Variants in SPTBN1 observed in about 807,000 individuals in gnomAD.
SPTBN1 encodes spectrin beta chain, non-erythrocytic 1.
A neutral mutation model predicts 266.4 loss-of-function variants in SPTBN1; 32 were observed. That is an observed-to-expected ratio of 0.12 (90% CI 0.09 to 0.16). The LOEUF (loss-of-function observed/expected upper bound fraction) is 0.16. Ranked by LOEUF, SPTBN1 falls within the 10% of genes least tolerant of loss-of-function variation. The probability of loss-of-function intolerance (pLI) is 1.00; values close to 1 mark genes in which losing one functional copy is unlikely to be tolerated. For synonymous variants in SPTBN1, 1,336 were observed against 1,162.2 expected (o/e 1.15, Z -3.04); for missense variants, 2,296 against 3,067.1 (o/e 0.75, Z 5.94).
chr2:54,635,577 T>C (rs1679066220), intron 17 of SPTBN1, among the ~76,000 whole-genome samples: 1 of 152,248 alleles, frequency 6.6e-6, no homozygotes, highest in Non-Finnish European at 1.5e-5. Flanking sequence ...TGGTCATATT[T>C]CTCCCTTAAT....
At chr2:54,623,345 A>G (rs1678116562) in intron 9 of SPTBN1, 134 bp from the exon 10 acceptor site, 1 of 740,650 alleles carries the variant, frequency 1.4e-6, no homozygotes, top group Non-Finnish European at 2.3e-6. Flanking sequence ...GTAATAGCCA[A>G]TAAGCAACCT....
intron 3 of SPTBN1, among the ~76,000 whole-genome samples, chr2:54,605,027 A>G (rs1573512683): frequency 6.6e-6 from 1 of 152,136 alleles, no homozygotes; most frequent in Non-Finnish European, 1.5e-5. Flanking sequence ...ATGCCGCACT[A>G]GGGAATCCGA....
chr2:54,629,836 TC>T, intron 14 of SPTBN1, 33 bp downstream of exon 14: 2 of 1,612,580 alleles, frequency 1.2e-6, no homozygotes, highest in South Asian at 2.2e-5. Flanking sequence ...ACTGGCCTGT[TC>T]CTTGTGACCA....
chr2:54,658,116 C>G, intron 30 of SPTBN1, 70 bp downstream of exon 30: 1 of 1,569,144 alleles, frequency 6.4e-7, no homozygotes, highest in Non-Finnish European at 8.7e-7. Flanking sequence ...GCCTCTTAGA[C>G]CAGGGAATTC....
At chr2:54,667,706 G>A in intron 35 of SPTBN1, 60 bp downstream of exon 35, 2 of 1,466,844 alleles carry the variant, frequency 1.4e-6, no homozygotes, top group Non-Finnish European at 1.9e-6. Flanking sequence ...TTTGTGTGAT[G>A]ATGGGCTTTA....
At position 54,653,595 on chromosome 2, in the gene SPTBN1, A is replaced by C. The variant is rs764077277; in HGVS notation, c.5578-14A>C. 5.6e-6 allele frequency: 9 copies of C among 1,612,538 alleles called. No individual in the cohort carries two copies. The Admixed American group carries it at 1.3e-4, about 24-fold the overall frequency. ...CATGGGCTGACCTGGCTCATCCCCT[A>C]CATGGCTTCACAGGTGAGGCAGCTG... On this transcript the variant is annotated splice_polypyrimidine_tract_variant and intron_variant, in intron 26 of 35. Coordinates refer to ENST00000356805, the MANE Select transcript of SPTBN1 (RefSeq NM_003128.3). This position sits in a 1 kb window ranked among gnomAD's most constrained non-coding sequence, Gnocchi z 5.1.
intron 2 of SPTBN1, among the ~76,000 whole-genome samples, chr2:54,538,192 A>G (rs1671722005): frequency 6.6e-6 from 1 of 152,246 alleles, no homozygotes; most frequent in African/African-American, 2.4e-5. Flanking sequence ...ATTAACAAAG[A>G]GAAACAAACA....
chr2:54,658,546 G>C (rs1481146904), intron 30 of SPTBN1, among the ~76,000 whole-genome samples: 1 of 152,118 alleles, frequency 6.6e-6, no homozygotes, highest in African/African-American at 2.4e-5. Context: ...TGCATTCCTG[G>C]TAGAAAGCTG....
chr2:54,558,561 C>G lies in SPTBN1; in HGVS notation c.148+31995C>G, dbSNP rs115564051. ...GCAAGGGCCACGGAAGAAGGGAAAG[C>G]AAGAAATTAGATGCCTGTGTGGTAA... is the stretch of plus-strand genomic sequence containing the variant. On this transcript the variant is annotated intron_variant, in intron 2 of 35. Coordinates refer to ENST00000356805, the MANE Select transcript of SPTBN1 (RefSeq NM_003128.3). This position sits in a 1 kb window ranked among gnomAD's most constrained non-coding sequence, Gnocchi z 4.6. 501 of 1,323,322 alleles carry G rather than the reference C, an allele frequency of 3.8e-4. No homozygotes were observed. In the African/African-American group the frequency reaches 7.1e-3, roughly 19 times the overall value. The allele number at this position is 1,323,322 out of a possible 1,614,324, so 82.0% of individuals were successfully genotyped here.
chr2:54,611,458 A>G (rs1308573028), intron 3 of SPTBN1, among the ~76,000 whole-genome samples: 2 of 151,810 alleles, frequency 1.3e-5, no homozygotes, highest in South Asian at 2.1e-4. Context: ...ACACATATGC[A>G]TTATCTACTC....
In SPTBN1 at chr2:54,646,545, T is replaced by C; in HGVS notation, c.4866+70T>C. On this transcript the variant is annotated intron_variant, in intron 23 of 35. Transcript: ENST00000356805. This position sits in a 1 kb window ranked among gnomAD's most constrained non-coding sequence, Gnocchi z 4.4. Reference sequence around the variant, plus strand: ...TTCAAACCCTGGGCACACTTTCTGCTGGCGGCTCTGTCTGTATAAAAACTT... The same window carrying C: ...TTCAAACCCTGGGCACACTTTCTGCCGGCGGCTCTGTCTGTATAAAAACTT... 1 of 1,422,818 alleles carries C rather than the reference T, an allele frequency of 7.0e-7. No individual in the cohort carries two copies. The highest frequency in any genetic ancestry group is 2.5e-5 in the East Asian group (1 of 39,382). The allele number at this position is 1,422,818 out of a possible 1,614,324, so 88.1% of individuals were successfully genotyped here. A position where few individuals can be genotyped will look rare whatever the true frequency, so the allele number is the denominator to read the frequency against.
Position 54,653,926 on chromosome 2 carries a change from G to A in SPTBN1, c.5822+73G>A, listed in dbSNP as rs1680475863. ...AAACACAGGAGTCTTCCAGAGAGAAGCAGGAGCCTTGAAAGCGTTCCTGCC... is the reference window on the plus strand; with the variant it reads ...AAACACAGGAGTCTTCCAGAGAGAAACAGGAGCCTTGAAAGCGTTCCTGCC... On this transcript the variant is annotated intron_variant, in intron 27 of 35. Coordinates refer to ENST00000356805, the MANE Select transcript of SPTBN1 (RefSeq NM_003128.3). This position sits in a 1 kb window ranked among gnomAD's most constrained non-coding sequence, Gnocchi z 5.1. 6.4e-7 allele frequency: 1 copy of A among 1,569,376 alleles called. No homozygotes were observed. Among genetic ancestry groups the A allele is most frequent in the Non-Finnish European group, 8.6e-7 (1 of 1,165,326 alleles).
At position 54,599,189 on chromosome 2, in the gene SPTBN1, T is replaced by G. The variant is rs555339966; in HGVS notation, c.246T>G (p.Leu82=). 3.1e-6 allele frequency: 5 copies of G among 1,614,210 alleles called. No homozygotes were observed. In the East Asian group the frequency reaches 6.7e-5, roughly 22 times the overall value. The change falls in exon 3 of 36, where the codon CTT becomes CTG. Residue 82 remains leucine, a synonymous_variant. Coordinates refer to ENST00000356805, the MANE Select transcript of SPTBN1 (RefSeq NM_003128.3). ...SCRITDLYTD[L]RDGRMLIKLL... ...GGATCACAGACCTGTACACTGACCT[T>G]CGAGATGGACGGATGCTCATCAAGC... is the stretch of plus-strand genomic sequence containing the variant.
rs1678331421 is a variant in SPTBN1, at chr2:54,626,369, A to C, written c.1644+135A>C. The C allele has an allele frequency of 1.8e-6, 2 of 1,136,490 alleles. No individual in the cohort carries two copies. Among genetic ancestry groups the C allele is most frequent in the South Asian group, 3.3e-5 (2 of 60,610 alleles). 70.4% of individuals were successfully genotyped at this position (1,136,490 alleles called of 1,614,324 possible). On this transcript the variant is annotated intron_variant, in intron 12 of 35. Coordinates refer to ENST00000356805, the MANE Select transcript of SPTBN1 (RefSeq NM_003128.3). This position sits in a 1 kb window ranked among gnomAD's most constrained non-coding sequence, Gnocchi z 4.7. ...CCACATGTACAGCTAGAGAGGAGCC[A>C]CATCACCCATGGGAAGATTGCTAGC...
rs994451825 is a variant in SPTBN1 at position 54,558,375 on chromosome 2, C to T, written c.148+31809C>T. 1.3e-4 allele frequency: 132 copies of T among 1,001,180 alleles called. No individual in the cohort carries two copies. The highest frequency in any genetic ancestry group is 1.5e-4 in the Non-Finnish European group (123 of 840,462). 62.0% of individuals were successfully genotyped at this position (1,001,180 alleles called of 1,614,324 possible). A position where few individuals can be genotyped will look rare whatever the true frequency, so the allele number is the denominator to read the frequency against. On this transcript the variant is annotated intron_variant, in intron 2 of 35. Transcript: ENST00000356805. This position sits in a 1 kb window ranked among gnomAD's most constrained non-coding sequence, Gnocchi z 4.6. The stretch of plus-strand genomic sequence containing the variant: ...TGATAAAATTACAAACCGGCGGCCG[C>T]CGCGGGCAGCTGGGAGGAGGTGTGC...
intron 2 of SPTBN1, among the ~76,000 whole-genome samples, chr2:54,586,504 C>G (rs776672181): frequency 6.6e-6 from 1 of 152,098 alleles, no homozygotes; most frequent in Non-Finnish European, 1.5e-5. Context: ...AAATGCTAAT[C>G]CTTTGCAGAT....
chr2:54,647,080 G>A, intron 23 of SPTBN1, 51 bp from the exon 24 acceptor site: 2 of 1,613,110 alleles, frequency 1.2e-6, no homozygotes, highest in Non-Finnish European at 1.7e-6. Context: ...CTCCTTAAGG[G>A]GTAGGGCCAG....
rs759517021 is a variant in SPTBN1 at position 54,529,473 on chromosome 2, C to A, written c.148+2907C>A. Reference sequence around the variant, plus strand: ...CACAAAAAAAAGAAGATCCGCATGTCACCCACCTTCCAGCGGCCCAAGACA... The same window carrying A: ...CACAAAAAAAAGAAGATCCGCATGTAACCCACCTTCCAGCGGCCCAAGACA... On this transcript the variant is annotated intron_variant, in intron 2 of 35. Transcript: ENST00000356805. 16 of 715,534 alleles carry A rather than the reference C, an allele frequency of 2.2e-5. No homozygotes were observed. The African/African-American group carries it at 2.8e-4, about 12-fold the overall frequency. The allele number at this position is 715,534 out of a possible 1,614,324, so 44.3% of individuals were successfully genotyped here. A position where few individuals can be genotyped will look rare whatever the true frequency, so the allele number is the denominator to read the frequency against.
In SPTBN1 at chr2:54,554,196, A is replaced by T. The variant is rs1318182685; in HGVS notation, c.148+27630A>T. On this transcript the variant is annotated intron_variant, in intron 2 of 35. Transcript: ENST00000356805. This position sits in a 1 kb window ranked among gnomAD's most constrained non-coding sequence, Gnocchi z 4.5. The stretch of plus-strand genomic sequence containing the variant: ...TTTTCAGAAAAGCTTAGAAACCCAT[A>T]GTAAGCTGGATATACTCTGAGCATA... Among the ~76,000 whole-genome samples the T allele has an allele frequency of 6.6e-6, 1 of 152,212 alleles. No homozygotes were observed. The highest frequency in any genetic ancestry group is 1.9e-4 in the East Asian group (1 of 5,200).
Sources: gnomAD v4.1 joint callset for allele counts (sites outside exome capture counted in the v4.1 genomes callset) on GRCh38, gnomAD v4.1.1 for gene constraint, Gnocchi (gnomAD v3.1) non-coding constraint, MANE v1.5 for transcripts, NCBI Gene and HGNC (gene_info 2026-07-23, HGNC 2026-07-21) for gene names.